Variants in SCN11A observed in about 807,000 individuals in gnomAD.
The protein encoded by SCN11A is sodium channel protein type 11 subunit alpha.
SCN11A carries 122 observed loss-of-function variants against 162.2 expected under a neutral mutation model. The ratio of observed to expected loss-of-function variants is 0.75; its 90% CI spans 0.65 to 0.87. SCN11A has a LOEUF of 0.87. Among genes scored for constraint, SCN11A ranks in the 40% least tolerant of loss-of-function variants. SCN11A has a pLI of 0.00. For synonymous variants in SCN11A, 758 were observed against 751.5 expected (o/e 1.01, Z -0.14); for missense variants, 2,015 against 2,181.6 (o/e 0.92, Z 1.52).
At chr3:38,920,055 A>G (rs2066021297) in intron 10 of SCN11A, 54 bp from the exon 11 acceptor site, 1 of 1,317,448 alleles carries the variant, frequency 7.6e-7, no homozygotes, top group Admixed American at 1.7e-5. Flanking sequence ...TTGAAAGGAA[A>G]GAGAATAGTA....
chr3:38,906,651 C>T (rs10222470), intron 14 of SCN11A, among the ~76,000 whole-genome samples: 132,418 of 152,094 alleles, frequency 0.87, 57,727 homozygotes, highest in South Asian at 0.91. Flanking sequence ...AAGCCACAGG[C>T]ACCTCTTACT....
At chr3:38,987,297 TCTCTCTCA>T (rs1194489228) in intron 2 of SCN11A, among the ~76,000 whole-genome samples, 68 of 117,178 alleles carry the variant, frequency 5.8e-4, no homozygotes, top group Middle Eastern at 4.1e-3. Flanking sequence ...TCTCTCTCTC[TCTCTCTCA>T]CACACACACA....
At chr3:39,049,117 A>G (rs1438600728) in intron 1 of SCN11A, among the ~76,000 whole-genome samples, 1 of 152,262 alleles carries the variant, frequency 6.6e-6, no homozygotes, top group Non-Finnish European at 1.5e-5. Flanking sequence ...GTTAAACAGC[A>G]ATAGATAAAA....
At chr3:39,005,110 G>A (rs937404586) in intron 2 of SCN11A, among the ~76,000 whole-genome samples, 1 of 152,322 alleles carries the variant, frequency 6.6e-6, no homozygotes, top group African/African-American at 2.4e-5. Flanking sequence ...ACAGGGCAGG[G>A]AGTTTCACAA....
At chr3:38,993,133 G>A (rs1026621937) in intron 2 of SCN11A, among the ~76,000 whole-genome samples, 2 of 152,200 alleles carry the variant, frequency 1.3e-5, no homozygotes, top group African/African-American at 4.8e-5. Context: ...GACCGTGATT[G>A]TTTGAGATGA....
intron 22 of SCN11A, among the ~76,000 whole-genome samples, chr3:38,881,817 G>A (rs907736185): frequency 6.6e-6 from 1 of 152,140 alleles, no homozygotes; most frequent in Non-Finnish European, 1.5e-5. Flanking sequence ...GTTCAGCTTT[G>A]CTCTGCCCAG....
At chr3:39,038,436 CA>C (rs2031962471) in intron 1 of SCN11A, among the ~76,000 whole-genome samples, 1 of 152,220 alleles carries the variant, frequency 6.6e-6, no homozygotes, top group African/African-American at 2.4e-5. Context: ...AGATGATAAA[CA>C]GCAGAAAATA....
intron 1 of SCN11A, among the ~76,000 whole-genome samples, chr3:39,036,118 C>T (rs79933389): frequency 0.019 from 2,862 of 152,172 alleles, 90 homozygotes; most frequent in African/African-American, 0.064. Context: ...AATCCTCCTG[C>T]GTCAGCTTTC....
At chr3:39,021,134 G>T (rs1264082759) in intron 2 of SCN11A, among the ~76,000 whole-genome samples, 1 of 152,050 alleles carries the variant, frequency 6.6e-6, no homozygotes, top group African/African-American at 2.4e-5. Context: ...ACCACAGGTG[G>T]TTTAGCGCTC....
At chr3:38,955,926 T>C (rs991047995) in intron 3 of SCN11A, among the ~76,000 whole-genome samples, 2 of 152,196 alleles carry the variant, frequency 1.3e-5, no homozygotes, top group Non-Finnish European at 2.9e-5. Flanking sequence ...CCATGGCACA[T>C]GTATACCTAT....
At chr3:39,019,874 A>G (rs1310193010) in intron 2 of SCN11A, among the ~76,000 whole-genome samples, 2 of 152,122 alleles carry the variant, frequency 1.3e-5, no homozygotes, top group Non-Finnish European at 2.9e-5. Flanking sequence ...AAATTTTTTA[A>G]ATCTCCAAAT....
intron 11 of SCN11A, among the ~76,000 whole-genome samples, chr3:38,914,668 T>C (rs1437161499): frequency 2.0e-5 from 3 of 152,158 alleles, no homozygotes; most frequent in Non-Finnish European, 4.4e-5. Flanking sequence ...TCCTTCAATA[T>C]CTAGTGTATT....
rs77124398 is a variant in SCN11A at position 38,869,804 on chromosome 3, G to C, written c.3813+887C>G. On this transcript the variant is annotated intron_variant, in intron 26 of 29. Transcript: ENST00000302328. Reference sequence around the variant, plus strand: ...ATGCTTAAAGGAAATGCTCACTGTGGCGTTTTGGATTTTCAGATCACGGAT... The same window carrying C: ...ATGCTTAAAGGAAATGCTCACTGTGCCGTTTTGGATTTTCAGATCACGGAT... 3.1e-3 allele frequency among the ~76,000 whole-genome samples: 467 copies of C among 152,242 alleles called. 2 individuals are homozygous for C. The highest frequency in any genetic ancestry group is 0.011 in the African/African-American group (442 of 41,536).
At chr3:38,932,927 G>T (rs1362468065) in intron 7 of SCN11A, among the ~76,000 whole-genome samples, 2 of 152,170 alleles carry the variant, frequency 1.3e-5, no homozygotes, top group Middle Eastern at 3.2e-3. Flanking sequence ...TCCTCAAGTG[G>T]GTCCCTGACC....
intron 20 of SCN11A, 82 bp from the exon 21 acceptor site, chr3:38,885,484 G>T: frequency 1.3e-6 from 1 of 777,874 alleles, no homozygotes; most frequent in Non-Finnish European, 2.2e-6. Context: ...CTCATTGTCT[G>T]ATTTTTTAAG....
At chr3:38,938,551 T>TATA (rs1491267271) in intron 7 of SCN11A, among the ~76,000 whole-genome samples, 1 of 11,138 alleles carries the variant, frequency 9.0e-5, no homozygotes, top group African/African-American at 3.4e-4. Context: ...TATATATATA[T>TATA]TTTTTTTTTT....
At chr3:39,020,413 C>G (rs1470618981) in intron 2 of SCN11A, among the ~76,000 whole-genome samples, 1 of 152,176 alleles carries the variant, frequency 6.6e-6, no homozygotes, top group Non-Finnish European at 1.5e-5. Flanking sequence ...GCCGACAGGA[C>G]AGTTTCCCTC....
At chr3:38,929,588 C>T (rs1274484509) in intron 7 of SCN11A, among the ~76,000 whole-genome samples, 2 of 152,070 alleles carry the variant, frequency 1.3e-5, no homozygotes, top group East Asian at 1.9e-4. Flanking sequence ...AAAACTGGGC[C>T]CTTCCTTTCT....
At chr3:38,884,869 A>C (rs759589339) in intron 21 of SCN11A, among the ~76,000 whole-genome samples, 1 of 152,256 alleles carries the variant, frequency 6.6e-6, no homozygotes, top group Non-Finnish European at 1.5e-5. Context: ...CACACAGCTC[A>C]TAAGTGGCAA....
Sources: gnomAD v4.1 joint callset for allele counts (sites outside exome capture counted in the v4.1 genomes callset) on GRCh38, gnomAD v4.1.1 for gene constraint, MANE v1.5 for transcripts, NCBI Gene and HGNC (gene_info 2026-07-23, HGNC 2026-07-21) for gene names.